The following UBQLN4 variants were observed in gnomAD, a reference collection of about 807,000 sequenced individuals.
UBQLN4 encodes the protein ubiquilin-4.
In UBQLN4, 11 loss-of-function variants were observed where a neutral mutation model predicts 60.4. The ratio of observed to expected loss-of-function variants is 0.18; its 90% CI spans 0.11 to 0.30. UBQLN4 has a LOEUF of 0.30. Among genes scored for constraint, UBQLN4 ranks in the 10% least tolerant of loss-of-function variants. The pLI is 1.00. For missense variants in UBQLN4, 417 were observed against 795.5 expected, an observed-to-expected ratio of 0.52 and a Z score of 5.72; for synonymous variants, 258 against 313.1, an observed-to-expected ratio of 0.82 and a Z score of 1.86.
downstream of UBQLN4, chr1:156,035,290 C>T (rs1420930349): frequency 2.0e-6 from 2 of 985,326 alleles, no homozygotes; most frequent in East Asian, 2.2e-4. Flanking sequence ...AAAACAAACG[C>T]CAACACACTC....
chr1:156,051,596 C>A (rs1683873168), intron 2 of UBQLN4, 110 bp downstream of exon 2: 1 of 1,490,984 alleles, frequency 6.7e-7, no homozygotes, highest in Non-Finnish European at 9.1e-7. Context: ...CCAGGAGCTA[C>A]CTGCCTGGGC....
rs1312146475 is a variant in UBQLN4, at chr1:156,036,237, A to G, written c.*741T>C. 3.0e-6 allele frequency: 3 copies of G among 985,432 alleles called. No homozygotes were observed. The African/African-American group carries it at 5.2e-5, about 17-fold the overall frequency. The allele number at this position is 985,432 out of a possible 1,614,324, so 61.0% of individuals were successfully genotyped here. A position where few individuals can be genotyped will look rare whatever the true frequency, so the allele number is the denominator to read the frequency against. ...CTCCCCACTGTTAATTCCAACTTCC[A>G]AGCCTTTTACTCAGGCTGTCTCCCC... On this transcript the variant is annotated 3_prime_UTR_variant, in exon 11 of 11. Transcript: ENST00000368309.
intron 10 of UBQLN4, among the ~76,000 whole-genome samples, chr1:156,039,911 T>C (rs1315691557): frequency 8.9e-6 from 1 of 112,166 alleles, no homozygotes; most frequent in Non-Finnish European, 1.6e-5. Flanking sequence ...CACTCCAGCC[T>C]GGGCGACAGA....
At chr1:156,053,533 C>G in intron 1 of UBQLN4, 61 bp downstream of exon 1, 28 of 1,036,042 alleles carry the variant, frequency 2.7e-5, no homozygotes, top group South Asian at 4.3e-5. Flanking sequence ...GTCAGAGAGG[C>G]CCCCCATCTC....
chr1:156,039,236 C>T (rs1683482451), intron 10 of UBQLN4, among the ~76,000 whole-genome samples: 1 of 149,586 alleles, frequency 6.7e-6, no homozygotes, highest in Non-Finnish European at 1.5e-5. Context: ...AGCCACACTC[C>T]TGGCCTGGCT....
rs984115050 is a variant in UBQLN4, at chr1:156,036,657, T to C, written c.*321A>G. On this transcript the variant is annotated 3_prime_UTR_variant, in exon 11 of 11. Coordinates refer to ENST00000368309, the MANE Select transcript of UBQLN4 (RefSeq NM_020131.5). Reference sequence around the variant, plus strand: ...AGAGAGCTGGTTCCTCCCTCGACTCTGCACAGCCACTGAAAGTTTAAAGAT... The same window carrying C: ...AGAGAGCTGGTTCCTCCCTCGACTCCGCACAGCCACTGAAAGTTTAAAGAT... 3.4e-5 allele frequency: 37 copies of C among 1,080,520 alleles called. No individual in the cohort carries two copies. In the African/African-American group the frequency reaches 5.4e-4, roughly 16 times the overall value. The allele number at this position is 1,080,520 out of a possible 1,614,324, so 66.9% of individuals were successfully genotyped here. A position where few individuals can be genotyped will look rare whatever the true frequency, so the allele number is the denominator to read the frequency against.
In UBQLN4 at chr1:156,035,748, T is replaced by A; in HGVS notation, c.*1230A>T. ...AAAGGGTACCCACATTACCTCTGGG[T>A]TACCCAGCATCCAGAGCCCCAAGGG... On this transcript the variant is annotated 3_prime_UTR_variant, in exon 11 of 11. Transcript: ENST00000368309. 1 of 985,418 alleles carries A rather than the reference T, an allele frequency of 1.0e-6. No homozygotes were observed. Among genetic ancestry groups the A allele is most frequent in the Non-Finnish European group, 1.2e-6 (1 of 829,938 alleles). 61.0% of individuals were successfully genotyped at this position (985,418 alleles called of 1,614,324 possible).
intron 10 of UBQLN4, among the ~76,000 whole-genome samples, chr1:156,040,133 C>T (rs868602944): frequency 2.6e-5 from 4 of 151,768 alleles, no homozygotes; most frequent in Non-Finnish European, 4.4e-5. Context: ...GTGGCTCACG[C>T]CTATAATCCC....
chr1:156,038,806 C>T (rs1243105736), intron 10 of UBQLN4, among the ~76,000 whole-genome samples: 7 of 89,358 alleles, frequency 7.8e-5, no homozygotes, highest in African/African-American at 2.4e-4. Flanking sequence ...TGCACTAGGT[C>T]TTCTTCTTTT....
At chr1:156,042,091 C>T in intron 8 of UBQLN4, 62 bp downstream of exon 8, 1 of 1,609,738 alleles carries the variant, frequency 6.2e-7, no homozygotes, top group East Asian at 2.2e-5. Flanking sequence ...TCATTTCCAC[C>T]CATTGGGCTT....
intron 3 of UBQLN4, 26 bp downstream of exon 3, chr1:156,051,084 T>C (rs759568838): frequency 5.0e-6 from 8 of 1,606,766 alleles, no homozygotes; most frequent in Middle Eastern, 1.7e-4. Context: ...CCAAACAAGA[T>C]TGTGCTCTCC....
At chr1:156,052,026 C>G (rs1477943633) in intron 1 of UBQLN4, among the ~76,000 whole-genome samples, 169 bp from the exon 2 acceptor site, 1 of 152,190 alleles carries the variant, frequency 6.6e-6, no homozygotes, top group Non-Finnish European at 1.5e-5. Flanking sequence ...CATCTCCTTT[C>G]TTAACAAAGG....
chr1:156,034,829 A>ATATATATAT (rs1424060585), downstream of UBQLN4, among the ~76,000 whole-genome samples: 6 of 29,430 alleles, frequency 2.0e-4, no homozygotes, highest in African/African-American at 7.2e-4. Flanking sequence ...AACCTTCTAT[A>ATATATATAT]TATATATATA....
intron 10 of UBQLN4, among the ~76,000 whole-genome samples, chr1:156,039,695 TGGGAGACCGAGGCAGG>T (rs1020814820): frequency 5.3e-5 from 8 of 151,792 alleles, no homozygotes; most frequent in Non-Finnish European, 1.0e-4. Flanking sequence ...CCCAGCACTT[TGGGAGACCGAGGCAGG>T]TGGATCACGA....
chr1:156,038,053 T>G (rs1683452583), intron 10 of UBQLN4, among the ~76,000 whole-genome samples: 1 of 152,112 alleles, frequency 6.6e-6, no homozygotes, highest in Non-Finnish European at 1.5e-5. Context: ...GCTACAGGTG[T>G]GTACCACCTT....
Position 156,050,057 on chromosome 1 carries a change from T to C in UBQLN4, c.741+234A>G, listed in dbSNP as rs956118750. ...ATGCTCCTAGAGGATCCCATGATTA[T>C]CCTTCTGATAGCAATGGCCACATTG... On this transcript the variant is annotated intron_variant, in intron 4 of 10. Transcript: ENST00000368309. This position sits in a 1 kb window ranked among gnomAD's most constrained non-coding sequence, Gnocchi z 4.6. Among the ~76,000 whole-genome samples the C allele has an allele frequency of 1.3e-5, 2 of 152,226 alleles. No individual in the cohort carries two copies. Among genetic ancestry groups the C allele is most frequent in the Non-Finnish European group, 2.9e-5 (2 of 68,042 alleles).
chr1:156,053,036 G>C (rs1474509237), intron 1 of UBQLN4, among the ~76,000 whole-genome samples: 2 of 152,176 alleles, frequency 1.3e-5, no homozygotes, highest in Non-Finnish European at 2.9e-5. Context: ...GCGAACACAG[G>C]CAACAGTCCG....
intron 2 of UBQLN4, among the ~76,000 whole-genome samples, 170 bp from the exon 3 acceptor site, chr1:156,051,497 G>A (rs1457896653): frequency 6.6e-6 from 1 of 152,152 alleles, no homozygotes; most frequent in Non-Finnish European, 1.5e-5. Flanking sequence ...AACCAGCAGA[G>A]GGAGAAAGGA....
intron 6 of UBQLN4, 124 bp from the exon 7 acceptor site, chr1:156,043,037 A>G: frequency 7.7e-7 from 1 of 1,305,048 alleles, no homozygotes; most frequent in Non-Finnish European, 1.0e-6. Context: ...GCAATGGTCC[A>G]GTGGGCACCC....
Sources: allele counts gnomAD v4.1 joint callset (sites outside exome capture counted in the v4.1 genomes callset), GRCh38; gene constraint gnomAD v4.1.1; non-coding constraint Gnocchi (gnomAD v3.1); transcripts MANE v1.5; gene names NCBI Gene and HGNC (gene_info 2026-07-23, HGNC 2026-07-21).